The following NEDD9 variants were observed in gnomAD, a reference collection of about 807,000 sequenced individuals.
NEDD9 encodes the protein enhancer of filamentation 1.
NEDD9 carries 26 observed loss-of-function variants against 76.6 expected under a neutral mutation model. That is an observed-to-expected ratio of 0.34 (90% CI 0.25 to 0.47). The LOEUF is 0.47. NEDD9 is among the 20% of genes least tolerant of loss of function. The pLI is 1.00. For missense variants in NEDD9, 937 were observed against 1,058.5 expected (o/e 0.89, Z 1.59); for synonymous variants, 392 against 414.2 (o/e 0.95, Z 0.65).
chr6:11,361,718 T>C (rs780631167), intron 1 of NEDD9, among the ~76,000 whole-genome samples: 1 of 152,138 alleles, frequency 6.6e-6, no homozygotes, highest in Non-Finnish European at 1.5e-5. Flanking sequence ...AAAAACCATG[T>C]CATTTTTATT....
intron 3 of NEDD9, among the ~76,000 whole-genome samples, chr6:11,300,847 A>C (rs1761028849): frequency 6.6e-6 from 1 of 152,232 alleles, no homozygotes; most frequent in African/African-American, 2.4e-5. Context: ...CTGCCTTATA[A>C]GAAGAGCTCC....
At position 11,308,794 on chromosome 6, in the gene NEDD9, T is replaced by C. The variant is rs572208654; in HGVS notation, c.-152-2639A>G. On this transcript the variant is annotated intron_variant, in intron 2 of 3. Transcript: ENST00000397378. Reference sequence around the variant, plus strand: ...CACAAAAAATTGTTTTTTGTCATGCTCCAAGGAATCCTGATAATTTATTAT... The same window carrying C: ...CACAAAAAATTGTTTTTTGTCATGCCCCAAGGAATCCTGATAATTTATTAT... Among the ~76,000 whole-genome samples, 35 of 152,346 alleles carry C rather than the reference T, an allele frequency of 2.3e-4. No individual in the cohort carries two copies. The South Asian group carries it at 7.0e-3, about 31-fold the overall frequency.
At chr6:11,328,027 G>A (rs1045036952) in intron 2 of NEDD9, among the ~76,000 whole-genome samples, 12 of 152,224 alleles carry the variant, frequency 7.9e-5, no homozygotes, top group African/African-American at 2.7e-4. Context: ...GTAAATCTGA[G>A]GTCTGCAGAA....
intron 1 of NEDD9, among the ~76,000 whole-genome samples, chr6:11,363,780 T>C (rs1281619862): frequency 6.6e-6 from 1 of 150,520 alleles, no homozygotes; most frequent in Non-Finnish European, 1.5e-5. Flanking sequence ...TTTGTTCCAT[T>C]TTGACTGTGT....
chr6:11,191,534 C>T (rs2113719991), intron 4 of NEDD9, among the ~76,000 whole-genome samples: 1 of 152,256 alleles, frequency 6.6e-6, no homozygotes, highest in Non-Finnish European at 1.5e-5. Flanking sequence ...GACCAGAGTT[C>T]TCCCCCGGTC....
chr6:11,297,874 G>GGCA (rs1018837960), intron 3 of NEDD9, among the ~76,000 whole-genome samples: 4 of 151,842 alleles, frequency 2.6e-5, no homozygotes, highest in Admixed American at 6.6e-5. Flanking sequence ...ATTCAAACTA[G>GGCA]GCAGTATGGC....
At chr6:11,266,169 AC>A (rs1760197530) in intron 3 of NEDD9, among the ~76,000 whole-genome samples, 1 of 152,130 alleles carries the variant, frequency 6.6e-6, no homozygotes, top group Admixed American at 6.5e-5. Flanking sequence ...TTGCTCTTGG[AC>A]CCCATACATT....
At chr6:11,338,324 G>A (rs1762205455) in intron 1 of NEDD9, among the ~76,000 whole-genome samples, 1 of 152,166 alleles carries the variant, frequency 6.6e-6, no homozygotes, top group Non-Finnish European at 1.5e-5. Context: ...TTAGGAGAGA[G>A]CCACAGGTTC....
intron 5 of NEDD9, among the ~76,000 whole-genome samples, chr6:11,189,072 A>C (rs755776957): frequency 6.6e-6 from 1 of 151,730 alleles, no homozygotes; most frequent in Non-Finnish European, 1.5e-5. Context: ...TCGGCCTCCC[A>C]AGTAGCTGGG....
intron 2 of NEDD9, among the ~76,000 whole-genome samples, chr6:11,326,414 T>G (rs1193728847): frequency 2.6e-5 from 4 of 152,220 alleles, no homozygotes; most frequent in Non-Finnish European, 5.9e-5. Context: ...TTAAACACAC[T>G]GGTATGTTTG....
At position 11,185,401 on chromosome 6, in the gene NEDD9, G is replaced by T; in HGVS notation, c.2266C>A (p.Leu756Met). The T allele has an allele frequency of 6.2e-7, 1 of 1,614,252 alleles. No individual in the cohort carries two copies. The highest frequency in any genetic ancestry group is 2.2e-5 in the East Asian group (1 of 44,888). Residue 756 changes from leucine to methionine, a missense_variant, in exon 7 of 7, where the codon CTG becomes ATG. By Grantham distance (15) the Leu-to-Met change is conservative. Coordinates refer to ENST00000379446, the MANE Select transcript of NEDD9 (RefSeq NM_006403.4). ...SKFVILSAHKLVFIGDTLTRQ... is the reference protein window; with the variant it reads ...SKFVILSAHKMVFIGDTLTRQ... ...GTCAGCGTGTCTCCAATGAACACCAGTTTGTGTGCACTGAGGATGACAAAC... is the reference window on the plus strand; with the variant it reads ...GTCAGCGTGTCTCCAATGAACACCATTTTGTGTGCACTGAGGATGACAAAC...
At chr6:11,231,718 AG>A (rs1344202276) in intron 1 of NEDD9, among the ~76,000 whole-genome samples, 4 of 152,084 alleles carry the variant, frequency 2.6e-5, no homozygotes, top group Non-Finnish European at 5.9e-5. Context: ...GAAAAAGGGG[AG>A]GGGGGAATAT....
rs562346202 is a variant in NEDD9, at chr6:11,328,236, C to T, written c.-153+6265G>A. ...AGGAGGACACCACTTGCATTCTGTG[C>T]CCTGTTGTGTGCTGGAGACACTCCC... On this transcript the variant is annotated intron_variant, in intron 2 of 3. Transcript: ENST00000397378. Among the ~76,000 whole-genome samples the T allele has an allele frequency of 4.6e-5, 7 of 152,314 alleles. No individual in the cohort carries two copies. The South Asian group carries it at 1.5e-3, about 32-fold the overall frequency.
chr6:11,267,879 T>C (rs1378677300), intron 3 of NEDD9, among the ~76,000 whole-genome samples: 1 of 152,180 alleles, frequency 6.6e-6, no homozygotes, highest in East Asian at 1.9e-4. Flanking sequence ...TAAGAATAGA[T>C]TGAATTTAAG....
intron 3 of NEDD9, among the ~76,000 whole-genome samples, chr6:11,246,732 T>C (rs779083486): frequency 1.3e-5 from 2 of 152,190 alleles, no homozygotes; most frequent in Non-Finnish European, 2.9e-5. Context: ...CCTTGCAGTA[T>C]TCTATTTCTT....
intron 3 of NEDD9, among the ~76,000 whole-genome samples, chr6:11,291,139 C>A (rs915163896): frequency 6.6e-5 from 10 of 152,100 alleles, no homozygotes; most frequent in Non-Finnish European, 1.5e-4. Context: ...TTGTGCTGAG[C>A]CACTGAGCTT....
chr6:11,371,883 G>A (rs1490894934), intron 1 of NEDD9, among the ~76,000 whole-genome samples: 1 of 152,038 alleles, frequency 6.6e-6, no homozygotes, highest in African/African-American at 2.4e-5. Flanking sequence ...ATATTTATGG[G>A]TTATATGAGA....
At chr6:11,378,623 A>T (rs1260515319) in intron 1 of NEDD9, among the ~76,000 whole-genome samples, 1 of 152,156 alleles carries the variant, frequency 6.6e-6, no homozygotes, top group African/African-American at 2.4e-5. Context: ...TGGATACCTT[A>T]TATATACTTT....
In NEDD9 at chr6:11,237,729, C is replaced by A. The variant is rs1421117749; in HGVS notation, c.13-24002G>T. Among the ~76,000 whole-genome samples, 1 of 152,158 alleles carries A rather than the reference C, an allele frequency of 6.6e-6. No homozygotes were observed. Among genetic ancestry groups the A allele is most frequent in the African/African-American group, 2.4e-5 (1 of 41,420 alleles). On this transcript the variant is annotated intron_variant, in intron 3 of 3. Coordinates refer to the NEDD9 transcript ENST00000397378. The surrounding 1 kb of genome is among the most constrained non-coding windows in gnomAD (Gnocchi z 4.9). ...CATGCCACAGAGATGGCAAAGCCCC[C>A]AAAGCCGAAGAAGAAAAAGTATTAT...
Sources: allele counts gnomAD v4.1 joint callset (sites outside exome capture counted in the v4.1 genomes callset), GRCh38; gene constraint gnomAD v4.1.1; non-coding constraint Gnocchi (gnomAD v3.1); transcripts MANE v1.5; gene names NCBI Gene and HGNC (gene_info 2026-07-23, HGNC 2026-07-21).